FBXW7: variants seen among roughly 807,000 people sequenced by gnomAD.
FBXW7 encodes the protein F-box/WD repeat-containing protein 7.
In FBXW7, 11 loss-of-function variants were observed where a neutral mutation model predicts 86.3. That is an observed-to-expected ratio of 0.13 (90% CI 0.08 to 0.21). The LOEUF is 0.21. Ranked by LOEUF, FBXW7 falls within the 10% of genes least tolerant of loss-of-function variation. FBXW7 has a pLI of 1.00. For synonymous variants in FBXW7, 313 were observed against 297.9 expected (o/e 1.05, Z -0.52); for missense variants, 488 against 847.4 (o/e 0.58, Z 5.27).
intron 2 of FBXW7, among the ~76,000 whole-genome samples, chr4:152,422,278 G>A (rs997561818): frequency 2.0e-5 from 3 of 152,192 alleles, no homozygotes; most frequent in Non-Finnish European, 4.4e-5. Flanking sequence ...GAAGAGGTAT[G>A]TAAAAAGTAA....
intron 2 of FBXW7, chr4:152,530,396 T>A (rs991727442): frequency 6.6e-6 from 1 of 152,174 alleles, no homozygotes; most frequent in Non-Finnish European, 1.5e-5. Flanking sequence ...TGCTTTACAT[T>A]TATTTTCAGA....
intron 2 of FBXW7, among the ~76,000 whole-genome samples, chr4:152,496,349 T>A: frequency 6.7e-6 from 1 of 149,960 alleles, no homozygotes. Flanking sequence ...GTAACAAAAA[T>A]CATAAAAACC....
At chr4:152,427,208 A>G (rs1328960620) in intron 2 of FBXW7, among the ~76,000 whole-genome samples, 2 of 152,188 alleles carry the variant, frequency 1.3e-5, no homozygotes, top group Non-Finnish European at 2.9e-5. Context: ...AACTTCAGTA[A>G]AGGAAGAATT....
chr4:152,453,524 T>C (rs1742105582), intron 2 of FBXW7, among the ~76,000 whole-genome samples: 1 of 152,068 alleles, frequency 6.6e-6, no homozygotes, highest in Admixed American at 6.6e-5. Context: ...CTAAAATCTC[T>C]CCTGCCTTCA....
At chr4:152,483,977 C>A (rs1033452163) in intron 2 of FBXW7, among the ~76,000 whole-genome samples, 1 of 151,992 alleles carries the variant, frequency 6.6e-6, no homozygotes, top group Non-Finnish European at 1.5e-5. Flanking sequence ...TCAAACTTCC[C>A]GAACTTCTCA....
intron 2 of FBXW7, among the ~76,000 whole-genome samples, chr4:152,529,448 AAACT>A (rs903853170): frequency 2.0e-5 from 3 of 152,228 alleles, no homozygotes; most frequent in African/African-American, 7.2e-5. Context: ...AGCAGGTTTC[AAACT>A]AACTAAAAAG....
intron 4 of FBXW7, among the ~76,000 whole-genome samples, chr4:152,365,332 T>A (rs2126714408): frequency 6.6e-6 from 1 of 152,266 alleles, no homozygotes; most frequent in East Asian, 1.9e-4. Flanking sequence ...AAGAAAAAGA[T>A]ATAATCAGAT....
intron 2 of FBXW7, among the ~76,000 whole-genome samples, chr4:152,433,489 A>G (rs1740094266): frequency 6.6e-6 from 1 of 152,142 alleles, no homozygotes; most frequent in Admixed American, 6.5e-5. Context: ...TCATGTATTA[A>G]CCCTTCTCAT....
intron 2 of FBXW7, among the ~76,000 whole-genome samples, chr4:152,423,978 T>A (rs189220148): frequency 7.5e-4 from 114 of 152,252 alleles, no homozygotes; most frequent in African/African-American, 2.7e-3. Context: ...GGTTTCCAGA[T>A]TTGAGGGGGG....
chr4:152,369,541 G>A (rs1023048628), intron 4 of FBXW7, among the ~76,000 whole-genome samples: 2 of 151,904 alleles, frequency 1.3e-5, no homozygotes, highest in African/African-American at 4.8e-5. Flanking sequence ...TAAGTCGGGG[G>A]AAAAGTTACT....
intron 2 of FBXW7, among the ~76,000 whole-genome samples, chr4:152,468,787 T>C (rs1192040026): frequency 6.6e-6 from 1 of 152,096 alleles, no homozygotes; most frequent in Non-Finnish European, 1.5e-5. Context: ...GAAATATACA[T>C]GATAAGCATA....
intron 2 of FBXW7, among the ~76,000 whole-genome samples, chr4:152,505,000 G>C (rs1182838329): frequency 6.6e-6 from 1 of 152,132 alleles, no homozygotes; most frequent in Non-Finnish European, 1.5e-5. Flanking sequence ...AAATGTGTCA[G>C]GCAATTTCTT....
chr4:152,471,793 A>T (rs926909456), intron 2 of FBXW7, among the ~76,000 whole-genome samples: 1 of 151,970 alleles, frequency 6.6e-6, no homozygotes. Context: ...CCAGCTACTC[A>T]GAAGGCTGAA....
chr4:152,336,977 A>G (rs1311166508), intron 7 of FBXW7, among the ~76,000 whole-genome samples: 10 of 152,004 alleles, frequency 6.6e-5, no homozygotes. Context: ...CTGACATATA[A>G]CTAGGGGCAT....
intron 4 of FBXW7, among the ~76,000 whole-genome samples, chr4:152,405,467 G>A (rs1737335320): frequency 6.6e-6 from 1 of 152,144 alleles, no homozygotes; most frequent in Admixed American, 6.6e-5. Context: ...GTAAGATATT[G>A]GAAGACTTCA....
chr4:152,324,398 C>A lies in FBXW7; in HGVS notation c.1645-4G>T. On this transcript the variant is annotated splice_region_variant and splice_polypyrimidine_tract_variant and intron_variant, in intron 12 of 13. Transcript: ENST00000281708. The stretch of plus-strand genomic sequence containing the variant: ...TCACCACATGGATACCATCAAACTA[C>A]AAAAGACACAGTTTATTAGAATAGA... 1 of 1,574,168 alleles carries A rather than the reference C, an allele frequency of 6.4e-7. No homozygotes were observed. The highest frequency in any genetic ancestry group is 8.6e-7 in the Non-Finnish European group (1 of 1,156,472).
intron 2 of FBXW7, among the ~76,000 whole-genome samples, chr4:152,445,910 TAAAAAAAAAA>T (rs11457603): frequency 2.5e-4 from 25 of 100,680 alleles, no homozygotes; most frequent in African/African-American, 4.8e-4. Context: ...ACTCTGTCTT[TAAAAAAAAAA>T]AAAAAAAAAA....
chr4:152,526,602 C>T (rs566374167), intron 2 of FBXW7, among the ~76,000 whole-genome samples: 2 of 152,230 alleles, frequency 1.3e-5, no homozygotes, highest in East Asian at 3.9e-4. Flanking sequence ...ATGTAAATGA[C>T]ACAGATAAAA....
At chr4:152,521,326 G>C (rs1008144497) in intron 2 of FBXW7, among the ~76,000 whole-genome samples, 3 of 152,110 alleles carry the variant, frequency 2.0e-5, no homozygotes, top group East Asian at 1.9e-4. Flanking sequence ...GGTCTGAAGA[G>C]ACAAATGTTT....
Sources: allele counts gnomAD v4.1 joint callset (sites outside exome capture counted in the v4.1 genomes callset), GRCh38; gene constraint gnomAD v4.1.1; transcripts MANE v1.5; gene names NCBI Gene and HGNC (gene_info 2026-07-23, HGNC 2026-07-21).